GALM: variants seen among roughly 807,000 people sequenced by gnomAD.
The protein encoded by GALM is aldose 1-epimerase.
Under a neutral mutation model 37.4 loss-of-function variants are expected in GALM, and 43 were observed. That is an observed-to-expected ratio of 1.15 (90% CI 0.90 to 1.48). The LOEUF (loss-of-function observed/expected upper bound fraction) is 1.48, where lower values mean the gene tolerates loss of function less well. Among genes scored for constraint, GALM ranks in the 40% most tolerant of loss-of-function variants. The probability of loss-of-function intolerance (pLI) is 0.00; values close to 1 mark genes in which losing one functional copy is unlikely to be tolerated. For synonymous variants in GALM, 199 were observed against 170.6 expected, an observed-to-expected ratio of 1.17 and a Z score of -1.30; for missense variants, 456 against 419.1, an observed-to-expected ratio of 1.09 and a Z score of -0.77.
intron 4 of GALM, among the ~76,000 whole-genome samples, chr2:38,693,513 T>C (rs960862100): frequency 6.8e-6 from 1 of 146,652 alleles, no homozygotes; most frequent in East Asian, 2.0e-4. Context: ...AGAGAGAAAA[T>C]AACCTGTTAG....
chr2:38,716,443 G>C (rs116763397), intron 4 of GALM, among the ~76,000 whole-genome samples: 1 of 152,124 alleles, frequency 6.6e-6, no homozygotes, highest in Non-Finnish European at 1.5e-5. Context: ...AGGTCATGAC[G>C]GTGCAACTTG....
chr2:38,728,506 C>A (rs987146727), intron 4 of GALM, among the ~76,000 whole-genome samples: 1 of 151,926 alleles, frequency 6.6e-6, no homozygotes, highest in Non-Finnish European at 1.5e-5. Flanking sequence ...CCAGCCTGGC[C>A]AACATGGTGA....
At chr2:38,709,147 G>A (rs1444006229) in intron 4 of GALM, among the ~76,000 whole-genome samples, 1 of 152,034 alleles carries the variant, frequency 6.6e-6, no homozygotes, top group Admixed American at 6.6e-5. Context: ...GGGTTGTGGG[G>A]GACAGGGAAG....
intron 3 of GALM, among the ~76,000 whole-genome samples, chr2:38,682,921 A>G (rs1474200563): frequency 3.3e-5 from 5 of 152,002 alleles, no homozygotes; most frequent in Admixed American, 2.0e-4. Context: ...AAATCTTAAA[A>G]ACGAAACAAA....
At chr2:38,712,443 G>A (rs1458447247) in intron 4 of GALM, among the ~76,000 whole-genome samples, 1 of 152,134 alleles carries the variant, frequency 6.6e-6, no homozygotes, top group East Asian at 1.9e-4. Flanking sequence ...TTTCCTCTTC[G>A]CTTTCAGGTC....
At chr2:38,718,929 A>G (rs969816567) in intron 4 of GALM, among the ~76,000 whole-genome samples, 9 of 152,042 alleles carry the variant, frequency 5.9e-5, no homozygotes, top group African/African-American at 2.2e-4. Context: ...TCATGGCCAA[A>G]TATTACAAAA....
chr2:38,700,285 G>C (rs190799151), intron 4 of GALM, among the ~76,000 whole-genome samples: 56 of 152,188 alleles, frequency 3.7e-4, no homozygotes, highest in Middle Eastern at 3.4e-3. Flanking sequence ...TTTTGTTGTT[G>C]ATTTTCTGTC....
At chr2:38,672,965 G>A (rs753743756) in intron 1 of GALM, among the ~76,000 whole-genome samples, 15 of 152,068 alleles carry the variant, frequency 9.9e-5, no homozygotes, top group Non-Finnish European at 1.3e-4. Flanking sequence ...AGCCAAGACC[G>A]CACACTGCAC....
intron 4 of GALM, among the ~76,000 whole-genome samples, chr2:38,715,877 A>G (rs1304181567): frequency 1.3e-5 from 2 of 152,228 alleles, no homozygotes; most frequent in African/African-American, 2.4e-5. Context: ...AGTGTTCGCA[A>G]TAATGCTATG....
rs371691928 is a variant in GALM, at chr2:38,708,830, G to T, written c.634+18936G>T. On this transcript the variant is annotated intron_variant, in intron 4 of 6. Coordinates refer to ENST00000272252, the MANE Select transcript of GALM (RefSeq NM_138801.3). ...GTGGGGTCAAATAACAGTTTTTTTTGTTTGTTTGTTTGTTTTTTGAAGGAG... is the reference window on the plus strand; with the variant it reads ...GTGGGGTCAAATAACAGTTTTTTTTTTTTGTTTGTTTGTTTTTTGAAGGAG... Among the ~76,000 whole-genome samples the T allele has an allele frequency of 8.3e-4, 125 of 151,272 alleles. 1 individual carries two copies. Among genetic ancestry groups the T allele is most frequent in the South Asian group, 3.1e-3 (15 of 4,802 alleles).
At chr2:38,684,401 G>T (rs1006810518) in intron 3 of GALM, among the ~76,000 whole-genome samples, 1 of 152,116 alleles carries the variant, frequency 6.6e-6, no homozygotes, top group African/African-American at 2.4e-5. Flanking sequence ...ACCTGGGTGT[G>T]GTGGCTCATG....
chr2:38,680,094 C>A (rs563791480), intron 2 of GALM: 4 of 453,036 alleles, frequency 8.8e-6, no homozygotes, highest in South Asian at 3.1e-5. Context: ...TCTCGGCTCA[C>A]TGCAGCCTCA....
chr2:38,732,247 G>A (rs909405376), intron 6 of GALM, among the ~76,000 whole-genome samples: 1 of 152,160 alleles, frequency 6.6e-6, no homozygotes, highest in African/African-American at 2.4e-5. Flanking sequence ...AGTAGAGACA[G>A]GGTTCCACCA....
chr2:38,725,014 TAAGG>T (rs1249144042), intron 4 of GALM, among the ~76,000 whole-genome samples: 2 of 152,206 alleles, frequency 1.3e-5, no homozygotes, highest in African/African-American at 4.8e-5. Flanking sequence ...AGTTATACTT[TAAGG>T]GAGATAATTA....
At chr2:38,684,847 C>T (rs970621310) in intron 3 of GALM, among the ~76,000 whole-genome samples, 3 of 152,004 alleles carry the variant, frequency 2.0e-5, no homozygotes, top group Non-Finnish European at 4.4e-5. Flanking sequence ...ACAACAGAAA[C>T]TTTACCGAAA....
intron 4 of GALM, among the ~76,000 whole-genome samples, chr2:38,718,065 G>A (rs1440857659): frequency 2.0e-5 from 3 of 151,610 alleles, no homozygotes; most frequent in African/African-American, 7.3e-5. Context: ...TCGAACTCCT[G>A]GGCTCAAGAG....
intron 1 of GALM, chr2:38,668,157 T>A (rs536822207): frequency 1.3e-5 from 2 of 152,370 alleles, no homozygotes; most frequent in African/African-American, 4.8e-5. Context: ...CATAAAACTA[T>A]AATCAAATAA....
intron 4 of GALM, among the ~76,000 whole-genome samples, chr2:38,697,548 C>T (rs774022651): frequency 7.9e-5 from 12 of 152,170 alleles, no homozygotes; most frequent in Non-Finnish European, 1.3e-4. Context: ...GTTTTTCACC[C>T]TGGCTACAGA....
chr2:38,687,222 C>CAGAAG, intron 3 of GALM, among the ~76,000 whole-genome samples: 1 of 152,320 alleles, frequency 6.6e-6, no homozygotes, highest in South Asian at 2.1e-4. Flanking sequence ...GAGAGCCGCA[C>CAGAAG]AGAAGAGACA....
Sources: allele counts gnomAD v4.1 joint callset (sites outside exome capture counted in the v4.1 genomes callset), GRCh38; gene constraint gnomAD v4.1.1; transcripts MANE v1.5; gene names NCBI Gene and HGNC (gene_info 2026-07-23, HGNC 2026-07-21).